RCAN2: variants seen among roughly 807,000 people sequenced by gnomAD.
RCAN2 encodes the protein calcipressin-2.
RCAN2 carries 9 observed loss-of-function variants against 23.6 expected under a neutral mutation model. That is an observed-to-expected ratio of 0.38 (90% CI 0.23 to 0.67). RCAN2 has a LOEUF of 0.67. Ranked by LOEUF, RCAN2 falls within the 30% of genes least tolerant of loss-of-function variation. The probability of loss-of-function intolerance (pLI) is 0.51; values close to 1 mark genes in which losing one functional copy is unlikely to be tolerated. For synonymous variants in RCAN2, 109 were observed against 115.7 expected (o/e 0.94, Z 0.37); for missense variants, 273 against 302.3 (o/e 0.90, Z 0.72).
chr6:46,422,726 AT>A (rs1766917890), intron 2 of RCAN2, among the ~76,000 whole-genome samples: 1 of 152,202 alleles, frequency 6.6e-6, no homozygotes, highest in South Asian at 2.1e-4. Flanking sequence ...GGAACAATCC[AT>A]TCTTGTTATT....
At chr6:46,270,395 A>G (rs1040471418) in intron 2 of RCAN2, among the ~76,000 whole-genome samples, 2 of 152,264 alleles carry the variant, frequency 1.3e-5, no homozygotes, top group East Asian at 3.9e-4. Context: ...CCACCCTCTC[A>G]TTGCTGATTC....
chr6:46,293,127 A>T (rs528904307), intron 2 of RCAN2, among the ~76,000 whole-genome samples: 1 of 152,280 alleles, frequency 6.6e-6, no homozygotes, highest in Non-Finnish European at 1.5e-5. Context: ...TCTATCACTG[A>T]TAGGCATTTG....
At chr6:46,276,486 A>T (rs1767711178) in intron 2 of RCAN2, among the ~76,000 whole-genome samples, 1 of 152,154 alleles carries the variant, frequency 6.6e-6, no homozygotes, top group Non-Finnish European at 1.5e-5. Flanking sequence ...CACCATCAAA[A>T]GAGGCATCCA....
intron 2 of RCAN2, among the ~76,000 whole-genome samples, chr6:46,414,815 CAT>C (rs1200842080): frequency 6.6e-6 from 1 of 152,136 alleles, no homozygotes; most frequent in East Asian, 1.9e-4. Context: ...TATGTGCACA[CAT>C]ATATATATTC....
intron 2 of RCAN2, among the ~76,000 whole-genome samples, chr6:46,281,999 T>C (rs1762197993): frequency 6.6e-6 from 1 of 152,192 alleles, no homozygotes; most frequent in Non-Finnish European, 1.5e-5. Flanking sequence ...GTACCACCTA[T>C]ACTGGAAGCA....
At chr6:46,266,728 G>A (rs1453844661) in intron 2 of RCAN2, among the ~76,000 whole-genome samples, 2 of 152,182 alleles carry the variant, frequency 1.3e-5, no homozygotes, top group Non-Finnish European at 2.9e-5. Context: ...GGGTCCCAGT[G>A]ATCAAGCTTT....
At chr6:46,238,836 G>A (rs552045139) in intron 4 of RCAN2, among the ~76,000 whole-genome samples, 1 of 152,278 alleles carries the variant, frequency 6.6e-6, no homozygotes, top group South Asian at 2.1e-4. Flanking sequence ...TTATAGGGGT[G>A]AGCCACCACA....
chr6:46,444,892 A>C (rs1466079676), intron 2 of RCAN2, among the ~76,000 whole-genome samples: 2 of 151,998 alleles, frequency 1.3e-5, no homozygotes, highest in African/African-American at 2.4e-5. Context: ...CTAGGCCAAC[A>C]GCTGCATATC....
intron 2 of RCAN2, among the ~76,000 whole-genome samples, chr6:46,397,550 T>C (rs1014269852): frequency 6.6e-6 from 1 of 152,202 alleles, no homozygotes; most frequent in Non-Finnish European, 1.5e-5. Flanking sequence ...GAAGGGTACA[T>C]GAGACTTTTC....
chr6:46,344,868 T>C (rs1242305408), intron 2 of RCAN2, among the ~76,000 whole-genome samples: 1 of 152,054 alleles, frequency 6.6e-6, no homozygotes, highest in Non-Finnish European at 1.5e-5. Flanking sequence ...ATCACATTAA[T>C]AATTATTTAA....
chr6:46,237,711 A>G (rs979556269), intron 4 of RCAN2, among the ~76,000 whole-genome samples: 1 of 152,210 alleles, frequency 6.6e-6, no homozygotes, highest in Non-Finnish European at 1.5e-5. Context: ...TCCTCAACCT[A>G]TGTGGTGGAA....
chr6:46,289,369 G>T (rs1426225918), intron 2 of RCAN2, among the ~76,000 whole-genome samples: 1 of 152,168 alleles, frequency 6.6e-6, no homozygotes, highest in Non-Finnish European at 1.5e-5. Flanking sequence ...GCCTAATACT[G>T]GTTGGGAAGC....
chr6:46,294,406 A>G (rs1428911439), intron 2 of RCAN2, among the ~76,000 whole-genome samples: 1 of 152,196 alleles, frequency 6.6e-6, no homozygotes, highest in African/African-American at 2.4e-5. Context: ...TTGGTAAAGT[A>G]TATCAAAAAA....
intron 1 of RCAN2, among the ~76,000 whole-genome samples, chr6:46,463,111 C>T (rs943632053): frequency 6.6e-6 from 1 of 152,150 alleles, no homozygotes. Context: ...ATAATCGCAT[C>T]TAGAGTCTTG....
chr6:46,458,867 T>C (rs1406374809), intron 1 of RCAN2, among the ~76,000 whole-genome samples: 1 of 151,022 alleles, frequency 6.6e-6, no homozygotes, highest in Non-Finnish European at 1.5e-5. Flanking sequence ...AGCATTTTCA[T>C]TAATAGTTTA....
At chr6:46,429,326 G>A (rs1257334860) in intron 2 of RCAN2, among the ~76,000 whole-genome samples, 1 of 152,134 alleles carries the variant, frequency 6.6e-6, no homozygotes, top group Non-Finnish European at 1.5e-5. Context: ...ATTTTAACTC[G>A]AAGCCAAAAG....
chr6:46,239,472 C>A (rs148126390), intron 4 of RCAN2, among the ~76,000 whole-genome samples: 2 of 152,228 alleles, frequency 1.3e-5, no homozygotes, highest in Non-Finnish European at 2.9e-5. Flanking sequence ...CGCCTTACTA[C>A]TTCCTAGATT....
intron 2 of RCAN2, among the ~76,000 whole-genome samples, chr6:46,292,728 A>G (rs1762608339): frequency 6.6e-6 from 1 of 151,780 alleles, no homozygotes; most frequent in African/African-American, 2.4e-5. Flanking sequence ...TTATTTATTT[A>G]TTTTTTTATT....
In RCAN2 at chr6:46,304,391, T is replaced by C. The variant is rs1763001202; in HGVS notation, c.226-55495A>G. ...GTAGCTTTCCTTTTTATTCTCTGAG[T>C]GCTGCCATTTAATGATTAGGAGTTC... On this transcript the variant is annotated intron_variant, in intron 2 of 4. Transcript: ENST00000371374. Among the ~76,000 whole-genome samples the C allele has an allele frequency of 3.3e-5, 5 of 152,242 alleles. No homozygotes were observed. In the South Asian group the frequency reaches 1.0e-3, roughly 32 times the overall value.
Sources: gnomAD v4.1 joint callset for allele counts (sites outside exome capture counted in the v4.1 genomes callset) on GRCh38, gnomAD v4.1.1 for gene constraint, MANE v1.5 for transcripts, NCBI Gene and HGNC (gene_info 2026-07-23, HGNC 2026-07-21) for gene names.